NXPE2: variants seen among roughly 807,000 people sequenced by gnomAD.
NXPE2 encodes the protein neurexophilin and PC-esterase domain family member 2, also known as NXPE family member 2.
In NXPE2, 34 loss-of-function variants were observed where a neutral mutation model predicts 34.4. The ratio of observed to expected loss-of-function variants is 0.99; its 90% CI spans 0.75 to 1.31. The LOEUF is 1.31. Among genes scored for constraint, NXPE2 ranks in the 40% most tolerant of loss-of-function variants. NXPE2 has a pLI of 0.00. For synonymous variants in NXPE2, 235 were observed against 231.3 expected, an observed-to-expected ratio of 1.02 and a Z score of -0.15; for missense variants, 649 against 672.5, an observed-to-expected ratio of 0.97 and a Z score of 0.39.
At chr11:114,648,619 G>A in the NXPE2 span, among the ~76,000 whole-genome samples, 6 of 152,068 alleles carry the variant, frequency 3.9e-5, no homozygotes, top group Non-Finnish European at 4.4e-5. Flanking sequence ...ATTAATCATC[G>A]TGTCTACACT....
At chr11:114,533,939 G>A in the NXPE2 span, among the ~76,000 whole-genome samples, 1 of 152,166 alleles carries the variant, frequency 6.6e-6, no homozygotes, top group African/African-American at 2.4e-5. Context: ...AGAGAGCAGT[G>A]GTTCTCCCAG....
chr11:114,766,944 A>C, the NXPE2 span, among the ~76,000 whole-genome samples: 3 of 151,996 alleles, frequency 2.0e-5, no homozygotes, highest in Non-Finnish European at 4.4e-5. Flanking sequence ...TGTGTTTTTT[A>C]TTCTCTTACC....
intron 2 of NXPE2, among the ~76,000 whole-genome samples, chr11:114,692,386 C>T (rs1265447934): frequency 6.6e-6 from 1 of 152,194 alleles, no homozygotes; most frequent in Non-Finnish European, 1.5e-5. Flanking sequence ...ATCCTTGGAA[C>T]TGTGCAGCAG....
chr11:114,746,765 C>T, the NXPE2 span, among the ~76,000 whole-genome samples: 6 of 151,894 alleles, frequency 4.0e-5, no homozygotes, highest in Non-Finnish European at 8.8e-5. Context: ...GCAGGAGAAT[C>T]GCTTGAACCC....
chr11:114,804,339 G>A, the NXPE2 span, among the ~76,000 whole-genome samples: 793 of 152,298 alleles, frequency 5.2e-3, 1 homozygote, highest in Non-Finnish European at 6.9e-3. Flanking sequence ...CTTCACTCAG[G>A]AAACTGTGTT....
upstream of NXPE2, among the ~76,000 whole-genome samples, chr11:114,675,110 GA>G (rs1210541677): frequency 1.3e-5 from 2 of 151,428 alleles, no homozygotes; most frequent in Non-Finnish European, 1.5e-5. Context: ...CTTTTCATGA[GA>G]AAAAAACTCT....
At chr11:114,612,466 T>C in the NXPE2 span, among the ~76,000 whole-genome samples, 1 of 151,844 alleles carries the variant, frequency 6.6e-6, no homozygotes, top group African/African-American at 2.4e-5. Flanking sequence ...GGATAAGTGT[T>C]GCCTCATGGG....
At chr11:114,807,208 G>C in the NXPE2 span, among the ~76,000 whole-genome samples, 1 of 149,990 alleles carries the variant, frequency 6.7e-6, no homozygotes, top group Non-Finnish European at 1.5e-5. Context: ...ACATGGAAAG[G>C]AACAACCAGT....
the NXPE2 span, among the ~76,000 whole-genome samples, chr11:114,787,180 CA>C: frequency 3.3e-5 from 5 of 150,894 alleles, no homozygotes; most frequent in East Asian, 1.9e-4. Flanking sequence ...CGCACACACA[CA>C]AAAAAAAAGT....
the NXPE2 span, chr11:114,580,010 T>C: frequency 1.3e-5 from 10 of 793,910 alleles, no homozygotes; most frequent in African/African-American, 1.5e-4. Context: ...TGTGAAAAAT[T>C]TTGGTGTGTT....
chr11:114,727,752 T>C, the NXPE2 span, among the ~76,000 whole-genome samples: 2 of 139,732 alleles, frequency 1.4e-5, no homozygotes, highest in Non-Finnish European at 3.1e-5. Flanking sequence ...TCTCTTACCC[T>C]GTCCCCCACC....
chr11:114,629,281 G>C, the NXPE2 span, among the ~76,000 whole-genome samples: 1 of 152,024 alleles, frequency 6.6e-6, no homozygotes, highest in East Asian at 1.9e-4. Flanking sequence ...ATAAAATACT[G>C]GCAAACGGAA....
At chr11:114,725,976 A>AAAAAATATATATATATATATAT in the NXPE2 span, among the ~76,000 whole-genome samples, 13 of 101,750 alleles carry the variant, frequency 1.3e-4, no homozygotes, top group Non-Finnish European at 2.3e-4. Context: ...ATAAAAAAAA[A>AAAAAATATATATATATATATAT]ATATATATAT....
the NXPE2 span, among the ~76,000 whole-genome samples, chr11:114,464,642 A>G: frequency 6.6e-6 from 1 of 152,168 alleles, no homozygotes; most frequent in African/African-American, 2.4e-5. Flanking sequence ...AGATACATAG[A>G]TAGGAATGAA....
chr11:114,774,103 T>A, the NXPE2 span, among the ~76,000 whole-genome samples: 1 of 152,142 alleles, frequency 6.6e-6, no homozygotes, highest in Non-Finnish European at 1.5e-5. Context: ...AGCTCAGCAG[T>A]TTCTCTCCTT....
At chr11:114,575,731 C>T in the NXPE2 span, among the ~76,000 whole-genome samples, 1 of 152,282 alleles carries the variant, frequency 6.6e-6, no homozygotes, top group East Asian at 1.9e-4. Flanking sequence ...ACATCACATG[C>T]TCATGGATGG....
At chr11:114,606,655 G>A in the NXPE2 span, among the ~76,000 whole-genome samples, 14 of 150,992 alleles carry the variant, frequency 9.3e-5, no homozygotes, top group East Asian at 2.0e-4. Flanking sequence ...AGTGTTACTC[G>A]GTGGATAGTA....
chr11:114,536,137 A>G, the NXPE2 span, among the ~76,000 whole-genome samples: 2 of 152,044 alleles, frequency 1.3e-5, no homozygotes, highest in East Asian at 1.9e-4. Flanking sequence ...CTCACTCAAA[A>G]CCCCTCAACT....
chr11:114,617,155 G>A, the NXPE2 span, among the ~76,000 whole-genome samples: 1 of 151,846 alleles, frequency 6.6e-6, no homozygotes, highest in Non-Finnish European at 1.5e-5. Flanking sequence ...ACGTTTTGTG[G>A]GTAACCATTG....
Sources: allele counts gnomAD v4.1 joint callset (sites outside exome capture counted in the v4.1 genomes callset), GRCh38; gene constraint gnomAD v4.1.1; transcripts MANE v1.5; gene names NCBI Gene and HGNC (gene_info 2026-07-23, HGNC 2026-07-21).